ASIC1: variants seen among roughly 807,000 people sequenced by gnomAD.
ASIC1 encodes the protein acid sensing ion channel subunit 1, also known as acid-sensing ion channel 1.
In ASIC1, 21 loss-of-function variants were observed where a neutral mutation model predicts 63.4. The observed-to-expected ratio is 0.33, with a 90% CI of 0.23 to 0.48. The LOEUF is 0.48. Ranked by LOEUF, ASIC1 falls within the 20% of genes least tolerant of loss-of-function variation. The pLI is 0.99. For missense variants in ASIC1, 478 were observed against 695.5 expected (o/e 0.69, Z 3.52); for synonymous variants, 258 against 278.2 (o/e 0.93, Z 0.72).
chr12:50,078,735 C>T lies in ASIC1; in HGVS notation c.994+158C>T. ...CTCTGACCTCAGTTCCCGCCTGCACCCCCAGGGATGGGTGGGAAGGGTCTA... is the reference window on the plus strand; with the variant it reads ...CTCTGACCTCAGTTCCCGCCTGCACTCCCAGGGATGGGTGGGAAGGGTCTA... On this transcript the variant is annotated intron_variant, in intron 6 of 11. Transcript: ENST00000447966. The surrounding 1 kb of genome is among the most constrained non-coding windows in gnomAD (Gnocchi z 6.0). The T allele has an allele frequency of 7.3e-7, 1 of 1,361,514 alleles. No individual in the cohort carries two copies. Among genetic ancestry groups the T allele is most frequent in the South Asian group, 1.2e-5 (1 of 83,392 alleles). 84.3% of individuals were successfully genotyped at this position (1,361,514 alleles called of 1,614,324 possible).
chr12:50,079,337 C>T lies in ASIC1; in HGVS notation c.1051+357C>T, dbSNP rs73121534. Among the ~76,000 whole-genome samples the T allele has an allele frequency of 5.1e-3, 773 of 152,174 alleles. 6 individuals carry two copies. The highest frequency in any genetic ancestry group is 8.0e-3 in the Non-Finnish European group (545 of 68,006). ...GCTGAGGTGGGAGAATTCCTTGAAC[C>T]GGGGAGGTGAGGTTGCAGTGAGCCG... is the stretch of plus-strand genomic sequence containing the variant. On this transcript the variant is annotated intron_variant, in intron 7 of 11. Transcript: ENST00000447966.
At chr12:50,064,271 G>A (rs1435930962) in intron 3 of ASIC1, among the ~76,000 whole-genome samples, 1 of 152,170 alleles carries the variant, frequency 6.6e-6, no homozygotes, top group African/African-American at 2.4e-5. Context: ...ACTGAACACA[G>A]GTGGGTGGAG....
At position 50,083,429 on chromosome 12, in the gene ASIC1, C is replaced by CT. The variant is rs1252712033; in HGVS notation, c.*1781dup. ...AGGACCTGTGAGCAGCTGCATTGGC[C>CT]TGGAGCTGGAGAGTAAGGCTGTAGG... On this transcript the variant is annotated 3_prime_UTR_variant, in exon 12 of 12. Transcript: ENST00000447966. 3 of 152,600 alleles carry CT rather than the reference C, an allele frequency of 2.0e-5. No homozygotes were observed. Among genetic ancestry groups the CT allele is most frequent in the African/African-American group, 7.2e-5 (3 of 41,430 alleles). 9.5% of individuals were successfully genotyped at this position (152,600 alleles called of 1,614,324 possible).
Position 50,059,859 on chromosome 12 carries a change from C to T in ASIC1, c.463C>T (p.Arg155Cys), listed in dbSNP as rs1950484144. Residue 155 changes from arginine to cysteine, a missense_variant, in exon 3 of 12, where the codon CGT becomes TGT. Physicochemically the swap from Arg to Cys is radical, Grantham distance 180. This residue lies in a region of ASIC1 where 290 missense variants were observed against 414.9 expected (regional missense o/e 0.70). Transcript: ENST00000447966. The surrounding 1 kb of genome is among the most constrained non-coding windows in gnomAD (Gnocchi z 4.6). ...CTTCAAACCCAAACCCTTCAACATGCGTGAGTTCTACGACCGAGCTGGGCA... is the reference window on the plus strand; with the variant it reads ...CTTCAAACCCAAACCCTTCAACATGTGTGAGTTCTACGACCGAGCTGGGCA... ...RSFKPKPFNMREFYDRAGHDI... is the reference protein window; with the variant it reads ...RSFKPKPFNMCEFYDRAGHDI... 3 of 1,614,194 alleles carry T rather than the reference C, an allele frequency of 1.9e-6. No individual in the cohort carries two copies. The highest frequency in any genetic ancestry group is 1.1e-5 in the South Asian group (1 of 91,082).
chr12:50,060,171 A>G (rs1197761036), intron 3 of ASIC1, among the ~76,000 whole-genome samples: 1 of 152,234 alleles, frequency 6.6e-6, no homozygotes, highest in Non-Finnish European at 1.5e-5. Context: ...CCATGATGGC[A>G]GGAAAGAGAG....
At chr12:50,073,620 C>T (rs949633727) in intron 3 of ASIC1, 8 of 1,535,594 alleles carry the variant, frequency 5.2e-6, no homozygotes, top group Non-Finnish European at 6.1e-6. Flanking sequence ...TGTCATTCTC[C>T]TCTGGAGAGG....
rs978149637 is a variant in ASIC1, at chr12:50,058,610, T to A, written c.-16-141T>A. 2.6e-6 allele frequency: 3 copies of A among 1,144,832 alleles called. No homozygotes were observed. The African/African-American group carries it at 4.7e-5, about 18-fold the overall frequency. The allele number at this position is 1,144,832 out of a possible 1,614,324, so 70.9% of individuals were successfully genotyped here. On this transcript the variant is annotated intron_variant, in intron 1 of 11. Coordinates refer to ENST00000447966, the MANE Select transcript of ASIC1 (RefSeq NM_001095.4). The stretch of plus-strand genomic sequence containing the variant: ...GATGTGTCCCTTGGTCAGCCACCTC[T>A]GGGCTTGCAAAGCAGGGAAGTCTTC...
At position 50,057,793 on chromosome 12, in the gene ASIC1, T is replaced by TGCCGCGGCG. The variant is rs1351271447; in HGVS notation, c.-132_-124dup. The TGCCGCGGCG allele has an allele frequency of 1.3e-5, 2 of 149,428 alleles. No homozygotes were observed. Among genetic ancestry groups the TGCCGCGGCG allele is most frequent in the African/African-American group, 2.4e-5 (1 of 41,016 alleles). The allele number at this position is 149,428 out of a possible 1,614,324, so 9.3% of individuals were successfully genotyped here. ...GCTCCCTGCAGGGCTCTGCGCGGCG[T>TGCCGCGGCG]GCCGCGGCGGCCGCGGGCTCCGGCC... On this transcript the variant is annotated 5_prime_UTR_variant, in exon 1 of 12. Coordinates refer to ENST00000447966, the MANE Select transcript of ASIC1 (RefSeq NM_001095.4). This position sits in a 1 kb window ranked among gnomAD's most constrained non-coding sequence, Gnocchi z 4.7.
chr12:50,066,934 T>C (rs1449008938), intron 3 of ASIC1, among the ~76,000 whole-genome samples: 2 of 152,204 alleles, frequency 1.3e-5, no homozygotes, highest in Admixed American at 6.5e-5. Flanking sequence ...CTTTTTAAGA[T>C]CTTTCTCCTG....
In ASIC1 at chr12:50,081,679, G is replaced by C. The variant is rs746852528; in HGVS notation, c.*30G>C. ...CGCAGGCCGCTGAACCAAAGGCCTA[G>C]ATGGGGAGGACTAGGAGAGCGAGGG... On this transcript the variant is annotated 3_prime_UTR_variant, in exon 12 of 12. Transcript: ENST00000447966. 5.6e-6 allele frequency: 9 copies of C among 1,605,634 alleles called. No individual in the cohort carries two copies. Among genetic ancestry groups the C allele is most frequent in the African/African-American group, 5.4e-5 (4 of 74,694 alleles).
Position 50,058,762 on chromosome 12 carries a change from C to T in ASIC1, c.-5C>T, listed in dbSNP as rs778786007. ...CCCTCCTCCCCCAGGATCCCCTCAA[C>T]AAGGATGGAACTGAAGGCCGAGGAG... On this transcript the variant is annotated 5_prime_UTR_variant, in exon 2 of 12. Coordinates refer to ENST00000447966, the MANE Select transcript of ASIC1 (RefSeq NM_001095.4). 3.2e-6 allele frequency: 5 copies of T among 1,568,964 alleles called. No homozygotes were observed. The highest frequency in any genetic ancestry group is 3.5e-6 in the Non-Finnish European group (4 of 1,153,784).
intron 1 of ASIC1, among the ~76,000 whole-genome samples, chr12:50,058,221 A>C (rs1950465276): frequency 6.6e-6 from 1 of 151,938 alleles, no homozygotes; most frequent in Admixed American, 6.6e-5. Flanking sequence ...AGACACCCGC[A>C]GGTGAGGACT....
Position 50,059,199 on chromosome 12 carries a change from C to G in ASIC1, c.362+71C>G. ...GAGTTCCAGTCAGGATGTCTGCCTCCCTGACCCACCATAGAGCCCAGCCAA... is the reference window on the plus strand; with the variant it reads ...GAGTTCCAGTCAGGATGTCTGCCTCGCTGACCCACCATAGAGCCCAGCCAA... On this transcript the variant is annotated intron_variant, in intron 2 of 11. Coordinates refer to ENST00000447966, the MANE Select transcript of ASIC1 (RefSeq NM_001095.4). This position sits in a 1 kb window ranked among gnomAD's most constrained non-coding sequence, Gnocchi z 4.6. The G allele has an allele frequency of 1.3e-6, 2 of 1,566,052 alleles. No homozygotes were observed. Among genetic ancestry groups the G allele is most frequent in the East Asian group, 4.5e-5 (2 of 44,572 alleles).
intron 3 of ASIC1, among the ~76,000 whole-genome samples, chr12:50,067,485 C>T (rs1233917507): frequency 2.0e-5 from 3 of 150,502 alleles, no homozygotes; most frequent in Non-Finnish European, 4.4e-5. Flanking sequence ...TCTCAGCTCA[C>T]TGCAACCTCC....
Position 50,077,332 on chromosome 12 carries a change from G to A in ASIC1, c.678G>A (p.Gln226=), listed in dbSNP as rs1184940317. 1.2e-6 allele frequency: 2 copies of A among 1,614,220 alleles called. No homozygotes were observed. The highest frequency in any genetic ancestry group is 2.7e-5 in the African/African-American group (2 of 75,066). Residue 226 remains glutamine, a synonymous_variant, in exon 4 of 12, where the codon CAG becomes CAA. Transcript: ENST00000447966. ...TGGAAATCATGCTGGACATCCAGCA[G>A]GACGAGTACCTGCCTGTGTGGGGGG... ...NGLEIMLDIQ[Q]DEYLPVWGET...
At position 50,077,959 on chromosome 12, in the gene ASIC1, G is replaced by A. The variant is rs780390548; in HGVS notation, c.710-41G>A. On this transcript the variant is annotated intron_variant, in intron 4 of 11. Transcript: ENST00000447966. Reference sequence around the variant, plus strand: ...CCCCAGGTCTGAGGGGTGTTAGGGAGTCAGGAGCCCTCCCAACCCACACAC... The same window carrying A: ...CCCCAGGTCTGAGGGGTGTTAGGGAATCAGGAGCCCTCCCAACCCACACAC... The A allele has an allele frequency of 1.9e-6, 3 of 1,582,180 alleles. 1 individual carries two copies. In the South Asian group the frequency reaches 3.5e-5, roughly 19 times the overall value.
At chr12:50,081,056 C>A in intron 9 of ASIC1, 46 bp from the exon 10 acceptor site, 2 of 1,517,372 alleles carry the variant, frequency 1.3e-6, no homozygotes, top group Non-Finnish European at 1.8e-6. Flanking sequence ...CTGCTGCCCC[C>A]ACGATGTCCT....
At chr12:50,061,910 A>T (rs1950504428) in intron 3 of ASIC1, among the ~76,000 whole-genome samples, 1 of 152,170 alleles carries the variant, frequency 6.6e-6, no homozygotes, top group South Asian at 2.1e-4. Context: ...AGTCTGAATT[A>T]TTCCTCTTAC....
Position 50,081,477 on chromosome 12 carries a change from G to T in ASIC1, c.1483-68G>T, listed in dbSNP as rs1034338435. On this transcript the variant is annotated intron_variant, in intron 11 of 11. Coordinates refer to ENST00000447966, the MANE Select transcript of ASIC1 (RefSeq NM_001095.4). The stretch of plus-strand genomic sequence containing the variant: ...CACCACCTTCTCTCCTTTGCCTCCC[G>T]AATGCCCCAGCACTACCTGAAGCCC... 1.7e-5 allele frequency: 14 copies of T among 824,270 alleles called. No individual in the cohort carries two copies. In the East Asian group the frequency reaches 8.6e-4, roughly 50 times the overall value. 51.1% of individuals were successfully genotyped at this position (824,270 alleles called of 1,614,324 possible).
Sources: gnomAD v4.1 joint callset for allele counts (sites outside exome capture counted in the v4.1 genomes callset) on GRCh38, gnomAD v4.1.1 for gene constraint, gnomAD v4.1.1 regional missense constraint, Gnocchi (gnomAD v3.1) non-coding constraint, MANE v1.5 for transcripts, NCBI Gene and HGNC (gene_info 2026-07-23, HGNC 2026-07-21) for gene names.